BCAS1: variants seen among roughly 807,000 people sequenced by gnomAD.
The protein encoded by BCAS1 is brain enriched myelin associated protein 1, also known as breast carcinoma-amplified sequence 1.
BCAS1 carries 46 observed loss-of-function variants against 65.4 expected under a neutral mutation model. That is an observed-to-expected ratio of 0.70 (90% CI 0.55 to 0.90). The LOEUF (loss-of-function observed/expected upper bound fraction) is 0.90, where lower values mean the gene tolerates loss of function less well. Among genes scored for constraint, BCAS1 ranks in the 40% least tolerant of loss-of-function variants. BCAS1 has a pLI of 0.00. For missense variants in BCAS1, 793 were observed against 771.2 expected (o/e 1.03, Z -0.33); for synonymous variants, 298 against 293.5 (o/e 1.02, Z -0.16).
intron 4 of BCAS1, among the ~76,000 whole-genome samples, chr20:54,008,858 T>C (rs1252217649): frequency 2.0e-5 from 3 of 149,908 alleles, no homozygotes; most frequent in Admixed American, 1.3e-4. Context: ...CAGGCTGGAG[T>C]GTAATGGCAC....
intron 8 of BCAS1, among the ~76,000 whole-genome samples, chr20:53,984,988 G>A (rs567037124): frequency 8.5e-5 from 13 of 152,268 alleles, no homozygotes; most frequent in Admixed American, 1.3e-4. Flanking sequence ...ATTTCAGAAG[G>A]AAAATGAAAT....
intron 12 of BCAS1, among the ~76,000 whole-genome samples, chr20:53,949,259 A>G (rs2089437576): frequency 6.6e-6 from 1 of 152,222 alleles, no homozygotes; most frequent in South Asian, 2.1e-4. Context: ...TAAACAAAAA[A>G]GTCCCTTTGC....
intron 4 of BCAS1, among the ~76,000 whole-genome samples, chr20:54,020,251 C>T (rs776458311): frequency 1.9e-4 from 29 of 151,982 alleles, no homozygotes; most frequent in African/African-American, 6.8e-4. Context: ...AAGTTATAGC[C>T]GTTACAACTT....
chr20:53,998,781 ATTAT>A (rs149663413), intron 4 of BCAS1, among the ~76,000 whole-genome samples: 6,944 of 152,260 alleles, frequency 0.046, 198 homozygotes, highest in South Asian at 0.077. Flanking sequence ...TTAATATATT[ATTAT>A]TTATTATAGA....
intron 1 of BCAS1, among the ~76,000 whole-genome samples, chr20:54,066,095 C>G (rs1367220625): frequency 4.1e-5 from 6 of 145,618 alleles, no homozygotes; most frequent in Non-Finnish European, 9.0e-5. Context: ...TTTTTTGAGG[C>G]GAAGTCTGGC....
chr20:54,010,291 T>A (rs906681289), intron 4 of BCAS1, among the ~76,000 whole-genome samples: 2 of 151,860 alleles, frequency 1.3e-5, no homozygotes, highest in Non-Finnish European at 2.9e-5. Flanking sequence ...AATAAAACTG[T>A]CCCCAGAGAA....
chr20:54,024,293 A>C (rs1200630061), intron 4 of BCAS1, among the ~76,000 whole-genome samples: 2 of 152,234 alleles, frequency 1.3e-5, no homozygotes, highest in Admixed American at 1.3e-4. Context: ...TTCTACCACT[A>C]AACAGTAGAG....
rs571917296 is a variant in BCAS1, at chr20:53,997,848, C to T, written c.724-1798G>A. On this transcript the variant is annotated intron_variant, in intron 4 of 12. Transcript: ENST00000688948. ...CTGGAGGTGGGTGGAGTGAGGGAGG[C>T]GGACTCGACTCTCACCTGCTGGTTG... Among the ~76,000 whole-genome samples the T allele has an allele frequency of 3.1e-3, 478 of 152,086 alleles. 4 individuals are homozygous for T. Among genetic ancestry groups the T allele is most frequent in the African/African-American group, 0.011 (450 of 41,460 alleles).
chr20:54,041,909 C>CAAAAAAAAAAAAAAAAAAAAAAAAAAAAA (rs796435949), intron 3 of BCAS1, among the ~76,000 whole-genome samples: 1 of 79,778 alleles, frequency 1.3e-5, no homozygotes, highest in Non-Finnish European at 2.2e-5. Context: ...CTGTCTCCCC[C>CAAAAAAAAAAAAAAAAAAAAAAAAAAAAA]AAAAAAAAAA....
rs202134310 is a variant in BCAS1, at chr20:53,953,659, C to G, written c.1588G>C (p.Glu530Gln). 17 of 1,613,936 alleles carry G rather than the reference C, an allele frequency of 1.1e-5. No homozygotes were observed. In the Admixed American group the frequency reaches 2.3e-4, roughly 22 times the overall value. ...DSTEKTITPP[E>Q]PEPTGAPQKG... ...TGTGGTGCTCCTGTTGGTTCAGGCT[C>G]TGGCGGTGTGATAGTCTTTTCTGTG... Residue 530 changes from glutamate to glutamine, a missense_variant, in exon 12 of 13, where the codon GAG (glutamate) becomes CAG (glutamine). Physicochemically the swap from Glu to Gln is conservative, Grantham distance 29. Coordinates refer to ENST00000688948, the MANE Select transcript of BCAS1 (RefSeq NM_001366298.2).
intron 1 of BCAS1, among the ~76,000 whole-genome samples, chr20:54,058,975 A>T (rs909617065): frequency 6.6e-6 from 1 of 152,160 alleles, no homozygotes; most frequent in Non-Finnish European, 1.5e-5. Context: ...GGAAACTTAC[A>T]ATCGTGGCAG....
intron 3 of BCAS1, among the ~76,000 whole-genome samples, chr20:54,049,542 G>T (rs1256093672): frequency 1.3e-5 from 2 of 151,586 alleles, no homozygotes; most frequent in Non-Finnish European, 2.9e-5. Context: ...AAAGCCAATG[G>T]TAAAGAATAA....
chr20:54,055,300 CAT>C (rs1224092312), intron 3 of BCAS1, among the ~76,000 whole-genome samples: 2 of 152,126 alleles, frequency 1.3e-5, no homozygotes, highest in Non-Finnish European at 2.9e-5. Flanking sequence ...CTGATAAAGA[CAT>C]ATCTGAGACT....
chr20:54,069,919 G>A (rs11697133), intron 1 of BCAS1, among the ~76,000 whole-genome samples: 6,585 of 152,262 alleles, frequency 0.043, 215 homozygotes, highest in Non-Finnish European at 0.063. Context: ...CTGAAGCCAG[G>A]ATTTGAATCA....
chr20:54,045,608 T>C (rs1046809116), intron 3 of BCAS1, among the ~76,000 whole-genome samples: 4 of 152,250 alleles, frequency 2.6e-5, no homozygotes, highest in Non-Finnish European at 4.4e-5. Context: ...CTGTTTCTTG[T>C]AAATGCCTAT....
intron 4 of BCAS1, among the ~76,000 whole-genome samples, chr20:54,000,128 C>T (rs2091021157): frequency 6.6e-6 from 1 of 152,206 alleles, no homozygotes; most frequent in Non-Finnish European, 1.5e-5. Flanking sequence ...CTTTATTTTT[C>T]TCCTAGTAGA....
chr20:53,957,766 C>T (rs944659007), intron 10 of BCAS1, among the ~76,000 whole-genome samples: 2 of 152,170 alleles, frequency 1.3e-5, no homozygotes, highest in South Asian at 2.1e-4. Flanking sequence ...TAAATGATGA[C>T]GGTTCCAATT....
chr20:53,995,990 G>T lies in BCAS1; in HGVS notation c.784C>A (p.Pro262Thr). Residue 262 changes from proline (P) to threonine (T), a missense_variant, in exon 5 of 13, where the codon CCT becomes ACT. Pro to Thr is a conservative substitution (Grantham distance 38). Transcript: ENST00000688948. The part of the protein sequence containing the change: ...QELGTADCSV[P>T]GDPEGLETAK... Reference sequence around the variant, plus strand: ...GTCTCCAGTCCTTCTGGGTCCCCAGGGACAGAGCAATCCGCAGTTCCAAGT... The same window carrying T: ...GTCTCCAGTCCTTCTGGGTCCCCAGTGACAGAGCAATCCGCAGTTCCAAGT... 3.1e-6 allele frequency: 5 copies of T among 1,613,064 alleles called. No individual in the cohort carries two copies. Among genetic ancestry groups the T allele is most frequent in the Non-Finnish European group, 4.2e-6 (5 of 1,179,324 alleles).
chr20:54,046,124 A>G (rs1355705106), intron 3 of BCAS1, among the ~76,000 whole-genome samples: 1 of 152,254 alleles, frequency 6.6e-6, no homozygotes, highest in African/African-American at 2.4e-5. Context: ...AAAATAAAAT[A>G]CAAAGAATTA....
Sources: allele counts gnomAD v4.1 joint callset (sites outside exome capture counted in the v4.1 genomes callset), GRCh38; gene constraint gnomAD v4.1.1; transcripts MANE v1.5; gene names NCBI Gene and HGNC (gene_info 2026-07-23, HGNC 2026-07-21).